Variants in ADCY2 observed in about 807,000 individuals in gnomAD.
The protein encoded by ADCY2 is adenylate cyclase 2.
In ADCY2, 31 loss-of-function variants were observed where a neutral mutation model predicts 125.2. The ratio of observed to expected loss-of-function variants is 0.25; its 90% CI spans 0.19 to 0.33. ADCY2 has a LOEUF of 0.33. Among genes scored for constraint, ADCY2 ranks in the 10% least tolerant of loss-of-function variants. The pLI is 1.00. For missense variants in ADCY2, 904 were observed against 1,418.2 expected (o/e 0.64, Z 5.82); for synonymous variants, 512 against 548.4 (o/e 0.93, Z 0.93).
At chr5:7,481,680 T>G (rs1358377956) in intron 2 of ADCY2, among the ~76,000 whole-genome samples, 1 of 152,054 alleles carries the variant, frequency 6.6e-6, no homozygotes, top group Admixed American at 6.6e-5. Flanking sequence ...TCCAATAGAG[T>G]TGTTTGTTAT....
intron 14 of ADCY2, among the ~76,000 whole-genome samples, chr5:7,730,560 G>GTAACCCTAT (rs1193840577): frequency 2.6e-5 from 4 of 152,082 alleles, no homozygotes; most frequent in Admixed American, 1.3e-4. Flanking sequence ...GGTTTTTGGA[G>GTAACCCTAT]GGGGAGTCTA....
intron 3 of ADCY2, among the ~76,000 whole-genome samples, chr5:7,616,829 T>G (rs1737778483): frequency 6.6e-6 from 1 of 152,014 alleles, no homozygotes; most frequent in African/African-American, 2.4e-5. Context: ...TTTGAAGAGG[T>G]GGCTAAGGTA....
At chr5:7,734,159 G>A (rs1237669950) in intron 14 of ADCY2, among the ~76,000 whole-genome samples, 1 of 152,222 alleles carries the variant, frequency 6.6e-6, no homozygotes, top group East Asian at 1.9e-4. Context: ...GAGCTGATGA[G>A]AGGCTTGCTT....
rs116176618 is a variant in ADCY2 at position 7,781,918 on chromosome 5, C to G, written c.2385-2447C>G. 2.0e-5 allele frequency among the ~76,000 whole-genome samples: 3 copies of G among 152,208 alleles called. No homozygotes were observed. In the South Asian group the frequency reaches 6.2e-4, roughly 32 times the overall value. On this transcript the variant is annotated intron_variant, in intron 18 of 24. Coordinates refer to ENST00000338316, the MANE Select transcript of ADCY2 (RefSeq NM_020546.3). ...GAAACCATAGGGGCCCTAACAGCAT[C>G]TATCCACAAGTGGCCCACACAAGAG... is the stretch of plus-strand genomic sequence containing the variant.
intron 4 of ADCY2, among the ~76,000 whole-genome samples, chr5:7,688,291 A>G (rs551646128): frequency 1.3e-5 from 2 of 150,002 alleles, no homozygotes; most frequent in East Asian, 3.9e-4. Flanking sequence ...TTTTTGAGAC[A>G]GAGTCTCACT....
chr5:7,402,631 G>A (rs1739307442), intron 1 of ADCY2, among the ~76,000 whole-genome samples: 1 of 152,176 alleles, frequency 6.6e-6, no homozygotes, highest in African/African-American at 2.4e-5. Flanking sequence ...ACACAGACCT[G>A]ACCATGGCTC....
chr5:7,478,434 A>G (rs1034701001), intron 2 of ADCY2, among the ~76,000 whole-genome samples: 3 of 152,222 alleles, frequency 2.0e-5, no homozygotes, highest in Non-Finnish European at 4.4e-5. Flanking sequence ...TGTATACATA[A>G]GTGTGTATAT....
At chr5:7,532,679 C>A (rs1734687903) in intron 3 of ADCY2, among the ~76,000 whole-genome samples, 2 of 151,998 alleles carry the variant, frequency 1.3e-5, no homozygotes, top group Admixed American at 6.6e-5. Context: ...AAGTGTAAAT[C>A]TAGAACTGTA....
At chr5:7,620,752 T>G (rs1737926195) in intron 3 of ADCY2, among the ~76,000 whole-genome samples, 1 of 152,238 alleles carries the variant, frequency 6.6e-6, no homozygotes, top group Non-Finnish European at 1.5e-5. Context: ...CCCAGCTCTC[T>G]TCATCATGTC....
At chr5:7,404,165 T>G (rs10512922) in intron 1 of ADCY2, among the ~76,000 whole-genome samples, 7,021 of 152,334 alleles carry the variant, frequency 0.046, 195 homozygotes, top group South Asian at 0.1. Context: ...ATGCTCATTT[T>G]GATAATATTG....
intron 3 of ADCY2, among the ~76,000 whole-genome samples, chr5:7,573,741 GTTTGTTTTTGTT>G (rs911665138): frequency 4.0e-5 from 6 of 150,908 alleles, no homozygotes; most frequent in Admixed American, 6.6e-5. Flanking sequence ...TCTTTTTTTT[GTTTGTTTTTGTT>G]TTTGTTTTTG....
chr5:7,648,853 A>G (rs563068476), intron 4 of ADCY2, among the ~76,000 whole-genome samples: 4 of 152,190 alleles, frequency 2.6e-5, no homozygotes, highest in Non-Finnish European at 5.9e-5. Flanking sequence ...TAGAATTGGA[A>G]GAAGGTCTTT....
At chr5:7,444,778 C>T (rs1467226297) in intron 2 of ADCY2, among the ~76,000 whole-genome samples, 1 of 152,072 alleles carries the variant, frequency 6.6e-6, no homozygotes, top group Admixed American at 6.5e-5. Flanking sequence ...TTGCAGCTTG[C>T]CAATCAGGTG....
chr5:7,747,656 C>T (rs1183209934), intron 15 of ADCY2, among the ~76,000 whole-genome samples: 1 of 152,186 alleles, frequency 6.6e-6, no homozygotes, highest in African/African-American at 2.4e-5. Context: ...GCTGTCTCCT[C>T]TGTTGGAAAT....
At chr5:7,469,519 C>CAT (rs1373483178) in intron 2 of ADCY2, among the ~76,000 whole-genome samples, 3 of 151,888 alleles carry the variant, frequency 2.0e-5, no homozygotes, top group East Asian at 3.9e-4. Context: ...ATATATGTTT[C>CAT]ATATATATAT....
intron 2 of ADCY2, among the ~76,000 whole-genome samples, chr5:7,461,710 A>C (rs1741924686): frequency 1.3e-5 from 2 of 152,246 alleles, no homozygotes; most frequent in African/African-American, 4.8e-5. Flanking sequence ...ACAGTTTTGG[A>C]ATAGAAATTT....
intron 16 of ADCY2, among the ~76,000 whole-genome samples, chr5:7,763,761 G>A (rs149120150): frequency 0.012 from 1,801 of 152,286 alleles, 42 homozygotes; most frequent in African/African-American, 0.041. Flanking sequence ...CTCTGCAGCC[G>A]GTGAGCCTTG....
chr5:7,656,235 G>A (rs778786147), intron 4 of ADCY2, among the ~76,000 whole-genome samples: 7 of 152,000 alleles, frequency 4.6e-5, no homozygotes, highest in Non-Finnish European at 7.4e-5. Context: ...TGTATTTTTA[G>A]TGGAGACGGG....
chr5:7,565,967 T>C (rs1033435873), intron 3 of ADCY2, among the ~76,000 whole-genome samples: 1 of 152,194 alleles, frequency 6.6e-6, no homozygotes, highest in Non-Finnish European at 1.5e-5. Context: ...TCACTTAGCT[T>C]TTTTCCAAAT....
Sources: gnomAD v4.1 joint callset for allele counts (sites outside exome capture counted in the v4.1 genomes callset) on GRCh38, gnomAD v4.1.1 for gene constraint, MANE v1.5 for transcripts, NCBI Gene and HGNC (gene_info 2026-07-23, HGNC 2026-07-21) for gene names.